The following SH3BGR variants were observed in gnomAD, a reference collection of about 807,000 sequenced individuals.
SH3BGR encodes the protein SH3 domain-binding glutamic acid-rich protein.
A neutral mutation model predicts 24.5 loss-of-function variants in SH3BGR; 29 were observed. The observed-to-expected ratio is 1.18, with a 90% CI of 0.88 to 1.61. The LOEUF is 1.61. SH3BGR is among the 40% of genes most tolerant of loss of function. The pLI is 0.00. For missense variants in SH3BGR, 162 were observed against 205.8 expected (o/e 0.79, Z 1.30); for synonymous variants, 55 against 65.7 (o/e 0.84, Z 0.79).
intron 3 of SH3BGR, among the ~76,000 whole-genome samples, chr21:39,493,790 T>G (rs2078345443): frequency 6.6e-6 from 1 of 152,242 alleles, no homozygotes. Context: ...TATGATTTCT[T>G]TCAGCAGTTT....
At chr21:39,506,091 A>G (rs1439791546) in intron 4 of SH3BGR, among the ~76,000 whole-genome samples, 6 of 152,140 alleles carry the variant, frequency 3.9e-5, no homozygotes, top group African/African-American at 7.2e-5. Flanking sequence ...ACTAACACCT[A>G]TTTATCGAGC....
In SH3BGR at chr21:39,513,412, C is replaced by T. The variant is rs189671354; in HGVS notation, c.*34+1603C>T. On this transcript the variant is annotated intron_variant, in intron 6 of 6. Coordinates refer to ENST00000333634, the MANE Select transcript of SH3BGR (RefSeq NM_007341.3). ...AGTCCAATTTGAATAGTAGGGATGT[C>T]CCTTCTTAATAGACTTACAAAAAAA... Among the ~76,000 whole-genome samples, 7 of 152,240 alleles carry T rather than the reference C, an allele frequency of 4.6e-5. No individual in the cohort carries two copies. The East Asian group carries it at 1.2e-3, about 25-fold the overall frequency.
At chr21:39,452,803 C>T (rs1415099038) in intron 1 of SH3BGR, among the ~76,000 whole-genome samples, 2 of 152,168 alleles carry the variant, frequency 1.3e-5, no homozygotes, top group Admixed American at 1.3e-4. Context: ...CAATTCTGGC[C>T]TTCATTCTGT....
Position 39,452,068 on chromosome 21 carries a change from TG to T in SH3BGR, c.-23del. Reference sequence around the variant, plus strand: ...GGCGCATTCCCTGACAGGGGTGTGTTGGGGGGAGTCCTCTTTCCAACTGTCG... The same window carrying T: ...GGCGCATTCCCTGACAGGGGTGTGTTGGGGGAGTCCTCTTTCCAACTGTCG... On this transcript the variant is annotated 5_prime_UTR_variant, in exon 1 of 7. Coordinates refer to ENST00000333634, the MANE Select transcript of SH3BGR (RefSeq NM_007341.3). The T allele has an allele frequency of 1.2e-6, 2 of 1,613,996 alleles. No individual in the cohort carries two copies. The highest frequency in any genetic ancestry group is 1.7e-6 in the Non-Finnish European group (2 of 1,179,908).
At chr21:39,510,269 C>G (rs1602181820) in intron 5 of SH3BGR, among the ~76,000 whole-genome samples, 2 of 152,136 alleles carry the variant, frequency 1.3e-5, no homozygotes, top group African/African-American at 4.8e-5. Flanking sequence ...TGACAAAATT[C>G]ATGATCTTTA....
In SH3BGR at chr21:39,512,648, C is replaced by T. The variant is rs1019627313; in HGVS notation, c.*34+839C>T. Among the ~76,000 whole-genome samples, 16 of 152,146 alleles carry T rather than the reference C, an allele frequency of 1.1e-4. No individual in the cohort carries two copies. In the South Asian group the frequency reaches 1.7e-3, roughly 16 times the overall value. On this transcript the variant is annotated intron_variant, in intron 6 of 6. Coordinates refer to ENST00000333634, the MANE Select transcript of SH3BGR (RefSeq NM_007341.3). Reference sequence around the variant, plus strand: ...CCCTAAAGACATGAAGTGCATTAGCCGGGTGGGGTGGCTCATGCCTGCGGT... The same window carrying T: ...CCCTAAAGACATGAAGTGCATTAGCTGGGTGGGGTGGCTCATGCCTGCGGT...
At chr21:39,456,981 A>G (rs1027047508) in intron 1 of SH3BGR, among the ~76,000 whole-genome samples, 17 of 150,794 alleles carry the variant, frequency 1.1e-4, no homozygotes, top group Non-Finnish European at 1.5e-5. Context: ...ATATAAGTTT[A>G]TATGTGATTT....
rs779296758 is a variant in SH3BGR, at chr21:39,452,015, C to T, written c.-82C>T. ...CCAGCCCCGACCTGGCACTTGCTTG[C>T]CTGTGTCACTGTCAGGATTTGTCTA... is the stretch of plus-strand genomic sequence containing the variant. On this transcript the variant is annotated 5_prime_UTR_variant, in exon 1 of 7. Transcript: ENST00000333634. The T allele has an allele frequency of 6.2e-7, 1 of 1,614,114 alleles. No homozygotes were observed. The highest frequency in any genetic ancestry group is 8.5e-7 in the Non-Finnish European group (1 of 1,180,010).
At chr21:39,499,264 A>ATCTATCTATCTATCTATCTATCTATCTG (rs1288540646) in intron 3 of SH3BGR, among the ~76,000 whole-genome samples, 2 of 150,966 alleles carry the variant, frequency 1.3e-5, no homozygotes, top group Admixed American at 1.4e-4. Context: ...TCATCTGTCT[A>ATCTATCTATCTATCTATCTATCTATCTG]TCTGTCTATC....
chr21:39,446,576 A>AT (rs1555909101), intron 1 of SH3BGR, among the ~76,000 whole-genome samples: 1 of 152,066 alleles, frequency 6.6e-6, no homozygotes, highest in Non-Finnish European at 1.5e-5. Flanking sequence ...TTTTCTTAAA[A>AT]TTTTTTTGCC....
intron 4 of SH3BGR, among the ~76,000 whole-genome samples, chr21:39,503,513 A>G (rs1000651692): frequency 6.6e-6 from 1 of 152,226 alleles, no homozygotes; most frequent in African/African-American, 2.4e-5. Context: ...GCACCTGGCA[A>G]TGTTCAGTTG....
chr21:39,482,070 G>T (rs563513121), intron 3 of SH3BGR, among the ~76,000 whole-genome samples: 2 of 152,272 alleles, frequency 1.3e-5, no homozygotes, highest in East Asian at 3.9e-4. Context: ...ATCAAATGCT[G>T]CCTGTTGCAA....
intron 3 of SH3BGR, among the ~76,000 whole-genome samples, chr21:39,492,462 GTGTGTA>G (rs2078316638): frequency 9.7e-6 from 1 of 102,992 alleles, no homozygotes; most frequent in South Asian, 3.4e-4. Context: ...GTGTGTGTGT[GTGTGTA>G]TATATATATA....
chr21:39,491,219 G>C (rs1013902424), intron 3 of SH3BGR, among the ~76,000 whole-genome samples: 3 of 150,272 alleles, frequency 2.0e-5, no homozygotes, highest in Non-Finnish European at 4.4e-5. Context: ...GAGTGATCTC[G>C]GCTCACTGCA....
At chr21:39,514,576 G>C (rs2078750451) in intron 6 of SH3BGR, among the ~76,000 whole-genome samples, 1 of 152,052 alleles carries the variant, frequency 6.6e-6, no homozygotes, top group African/African-American at 2.4e-5. Flanking sequence ...TGCCTAGGCT[G>C]GTCTCGAACT....
At chr21:39,464,832 A>AT (rs1023908051) in intron 2 of SH3BGR, among the ~76,000 whole-genome samples, 26 of 152,014 alleles carry the variant, frequency 1.7e-4, no homozygotes, top group African/African-American at 5.8e-4. Context: ...AAGGGATAAT[A>AT]TTTTTTTAGG....
chr21:39,484,246 A>G (rs896211706), intron 3 of SH3BGR, among the ~76,000 whole-genome samples: 1 of 152,216 alleles, frequency 6.6e-6, no homozygotes, highest in Non-Finnish European at 1.5e-5. Context: ...ATCTGGGACT[A>G]TATCTTTCAT....
chr21:39,498,065 A>G (rs2078429020), intron 3 of SH3BGR, among the ~76,000 whole-genome samples: 1 of 152,252 alleles, frequency 6.6e-6, no homozygotes, highest in African/African-American at 2.4e-5. Flanking sequence ...AGAATGATTC[A>G]ATAGGATCAA....
intron 3 of SH3BGR, among the ~76,000 whole-genome samples, chr21:39,476,020 A>G (rs2078021721): frequency 6.6e-6 from 1 of 152,234 alleles, no homozygotes. Context: ...TTGGAGACAC[A>G]CACGTGGAAG....
Sources: gnomAD v4.1 joint callset for allele counts (sites outside exome capture counted in the v4.1 genomes callset) on GRCh38, gnomAD v4.1.1 for gene constraint, MANE v1.5 for transcripts, NCBI Gene and HGNC (gene_info 2026-07-23, HGNC 2026-07-21) for gene names.